DDX6: variants seen among roughly 807,000 people sequenced by gnomAD.
DDX6 encodes DEAD-box helicase 6.
Under a neutral mutation model 60.6 loss-of-function variants are expected in DDX6, and 7 were observed. That is an observed-to-expected ratio of 0.12 (90% confidence interval 0.07 to 0.22). The LOEUF is 0.22. DDX6 is among the 10% of genes least tolerant of loss of function. The probability of loss-of-function intolerance (pLI) is 1.00; values close to 1 mark genes in which losing one functional copy is unlikely to be tolerated. For synonymous variants in DDX6, 207 were observed against 201.0 expected (o/e 1.03, Z -0.25); for missense variants, 270 against 589.9 (o/e 0.46, Z 5.62).
At position 118,786,293 on chromosome 11, in the gene DDX6, G is replaced by C. The variant is rs1219542971; in HGVS notation, c.-42C>G. 2.1e-5 allele frequency: 32 copies of C among 1,540,046 alleles called. No homozygotes were observed. Among genetic ancestry groups the C allele is most frequent in the Non-Finnish European group, 2.6e-5 (30 of 1,133,074 alleles). On this transcript the variant is annotated 5_prime_UTR_variant, in exon 2 of 14. Coordinates refer to ENST00000534980, the MANE Select transcript of DDX6 (RefSeq NM_004397.6). Reference sequence around the variant, plus strand: ...AGGTCTTTCAAACTTCAAAACTTTTGAAAGTCAGTAGAGAAACTGTAATAA... The same window carrying C: ...AGGTCTTTCAAACTTCAAAACTTTTCAAAGTCAGTAGAGAAACTGTAATAA...
At position 118,750,197 on chromosome 11, in the gene DDX6, T is replaced by C. The variant is rs1210646934; in HGVS notation, c.*1908A>G. The C allele has an allele frequency of 2.6e-5, 4 of 152,562 alleles. No individual in the cohort carries two copies. The highest frequency in any genetic ancestry group is 1.3e-4 in the Admixed American group (2 of 15,260). 9.5% of individuals were successfully genotyped at this position (152,562 alleles called of 1,614,324 possible). A position where few individuals can be genotyped will look rare whatever the true frequency, so the allele number is the denominator to read the frequency against. On this transcript the variant is annotated 3_prime_UTR_variant, in exon 14 of 14. Coordinates refer to ENST00000534980, the MANE Select transcript of DDX6 (RefSeq NM_004397.6). ...TTTTTTAATTTTGTTTTTTGCTTTT[T>C]TCCCCCCCTTTCCAGATGCCTCCTG...
At chr11:118,771,198 T>TGAGAAGA (rs1861523615) in intron 4 of DDX6, among the ~76,000 whole-genome samples, 1 of 152,226 alleles carries the variant, frequency 6.6e-6, no homozygotes, top group African/African-American at 2.4e-5. Context: ...AGGTGGTCTC[T>TGAGAAGA]GATGGTCTCA....
At chr11:118,754,051 T>C (rs1309557377) in intron 13 of DDX6, among the ~76,000 whole-genome samples, 3 of 152,198 alleles carry the variant, frequency 2.0e-5, no homozygotes, top group Admixed American at 6.5e-5. Context: ...TGGGCCGTGA[T>C]TGTGCCACTG....
chr11:118,765,398 G>A (rs376873853), intron 5 of DDX6, 43 bp from the exon 6 acceptor site: 16 of 1,601,264 alleles, frequency 1.0e-5, no homozygotes, highest in Non-Finnish European at 1.4e-5. Context: ...ATGGGGTGAG[G>A]TGGGAGAACA....
chr11:118,765,774 A>C (rs1555161179), intron 5 of DDX6, among the ~76,000 whole-genome samples: 2 of 96,008 alleles, frequency 2.1e-5, no homozygotes. Flanking sequence ...ACTCAGTCTC[A>C]AAAGAAAGAA....
intron 4 of DDX6, among the ~76,000 whole-genome samples, chr11:118,776,168 G>A (rs11217025): frequency 0.031 from 4,734 of 152,088 alleles, 251 homozygotes; most frequent in African/African-American, 0.11. Flanking sequence ...AAACAATTAC[G>A]TCTCCTAAAT....
In DDX6 at chr11:118,751,803, C is replaced by G; in HGVS notation, c.*302G>C. 7.8e-6 allele frequency: 3 copies of G among 382,956 alleles called. No homozygotes were observed. The highest frequency in any genetic ancestry group is 5.8e-5 in the South Asian group (3 of 51,444). 23.7% of individuals were successfully genotyped at this position (382,956 alleles called of 1,614,324 possible). ...GATTCTTCTCTTTTTAGGGTTTCTC[C>G]CCTTCTCTTCTTTCTTTTCCTTCCT... On this transcript the variant is annotated 3_prime_UTR_variant, in exon 14 of 14. Transcript: ENST00000534980.
At chr11:118,788,129 G>C (rs1249616137) in intron 1 of DDX6, 2 of 151,962 alleles carry the variant, frequency 1.3e-5, no homozygotes, top group East Asian at 1.9e-4. Context: ...GACCAACACG[G>C]TGAAACTCCG....
At chr11:118,755,672 T>G (rs1483502688) in intron 11 of DDX6, among the ~76,000 whole-genome samples, 169 bp from the exon 12 acceptor site, 1 of 152,154 alleles carries the variant, frequency 6.6e-6, no homozygotes. Flanking sequence ...ATAAATAACT[T>G]TCTGCTCCCA....
Position 118,749,007 on chromosome 11 carries a change from TTTCCCTCTCTCTTAC to T in DDX6, c.*3083_*3097del, listed in dbSNP as rs1329116403. On this transcript the variant is annotated 3_prime_UTR_variant, in exon 14 of 14. Coordinates refer to ENST00000534980, the MANE Select transcript of DDX6 (RefSeq NM_004397.6). ...CAAACAATTTAGAGGTATATTTAGG[TTTCCCTCTCTCTTAC>T]TTCTGTGAAAGATCATTTTAGAATA... 6.6e-6 allele frequency: 1 copy of T among 152,094 alleles called. No individual in the cohort carries two copies. Among genetic ancestry groups the T allele is most frequent in the African/African-American group, 2.4e-5 (1 of 41,410 alleles). 9.4% of individuals were successfully genotyped at this position (152,094 alleles called of 1,614,324 possible).
intron 1 of DDX6, chr11:118,790,005 T>C (rs545249918): frequency 3.9e-5 from 6 of 152,310 alleles, no homozygotes; most frequent in African/African-American, 1.2e-4. Flanking sequence ...ATTACAGCAC[T>C]TCACAGATCG....
chr11:118,773,134 T>C (rs932785892), intron 4 of DDX6, among the ~76,000 whole-genome samples: 8 of 152,180 alleles, frequency 5.3e-5, no homozygotes, highest in Non-Finnish European at 1.2e-4. Flanking sequence ...TAAAGAATGG[T>C]TTATTTTCCA....
chr11:118,768,373 C>T (rs556754039), intron 4 of DDX6, 21 bp from the exon 5 acceptor site: 1 of 1,610,046 alleles, frequency 6.2e-7, no homozygotes, highest in African/African-American at 1.3e-5. Context: ...TAAGACAATA[C>T]AAAATTACTT....
At chr11:118,778,494 C>A (rs145666390) in intron 4 of DDX6, among the ~76,000 whole-genome samples, 137 of 152,288 alleles carry the variant, frequency 9.0e-4, no homozygotes, top group Non-Finnish European at 1.5e-3. Context: ...GAAAACAATA[C>A]GCTAAGAGAA....
chr11:118,760,877 C>G (rs1285058814), intron 7 of DDX6, among the ~76,000 whole-genome samples: 1 of 150,384 alleles, frequency 6.6e-6, no homozygotes, highest in Non-Finnish European at 1.5e-5. Context: ...CAGTGGCTCA[C>G]GCCTGTAATC....
Position 118,750,908 on chromosome 11 carries a change from G to C in DDX6, c.*1197C>G, listed in dbSNP as rs1438038383. ...ATTTCTGGGCCCCTTTACTAACACA[G>C]GGTACCATAGAAATCTGCTCTCTAC... On this transcript the variant is annotated 3_prime_UTR_variant, in exon 14 of 14. Transcript: ENST00000534980. 1.3e-5 allele frequency: 2 copies of C among 152,288 alleles called. No individual in the cohort carries two copies. The highest frequency in any genetic ancestry group is 4.8e-5 in the African/African-American group (2 of 41,332). 9.4% of individuals were successfully genotyped at this position (152,288 alleles called of 1,614,324 possible). A position where few individuals can be genotyped will look rare whatever the true frequency, so the allele number is the denominator to read the frequency against.
chr11:118,768,371 T>C lies in DDX6; in HGVS notation c.370-19A>G. 2 of 1,610,224 alleles carry C rather than the reference T, an allele frequency of 1.2e-6. No individual in the cohort carries two copies. Among genetic ancestry groups the C allele is most frequent in the Non-Finnish European group, 1.7e-6 (2 of 1,179,364 alleles). On this transcript the variant is annotated intron_variant, in intron 4 of 13. Coordinates refer to ENST00000534980, the MANE Select transcript of DDX6 (RefSeq NM_004397.6). ...TCTCCTCCTAAAAGAGATAAGACAATACAAAATTACTTCTGAATGTAGTAC... is the reference window on the plus strand; with the variant it reads ...TCTCCTCCTAAAAGAGATAAGACAACACAAAATTACTTCTGAATGTAGTAC...
Position 118,754,722 on chromosome 11 carries a change from T to A in DDX6, c.1442A>T (p.Glu481Val), listed in dbSNP as rs782662981. 1 of 1,607,028 alleles carries A rather than the reference T, an allele frequency of 6.2e-7. No individual in the cohort carries two copies. The highest frequency in any genetic ancestry group is 1.7e-5 in the Admixed American group (1 of 58,004). Residue 481 changes from glutamate (E) to valine (V), a missense_variant, in exon 13 of 14, where the codon GAG becomes GTG. Physicochemically the swap from Glu to Val is moderately radical, Grantham distance 121. Coordinates refer to ENST00000534980, the MANE Select transcript of DDX6 (RefSeq NM_004397.6). ...GGACGTACATGCTTGTTAAGGTTTC[T>A]CATCTTCTACAGGCTCGCTGTGGTA... ...AEYHSEPVED[E>V]KP
intron 4 of DDX6, among the ~76,000 whole-genome samples, chr11:118,775,101 G>A (rs1434476939): frequency 6.6e-6 from 1 of 152,066 alleles, no homozygotes; most frequent in Non-Finnish European, 1.5e-5. Context: ...GATCGCCTGA[G>A]GTCAGGAGTT....
Sources: gnomAD v4.1 joint callset for allele counts (sites outside exome capture counted in the v4.1 genomes callset) on GRCh38, gnomAD v4.1.1 for gene constraint, MANE v1.5 for transcripts, NCBI Gene and HGNC (gene_info 2026-07-23, HGNC 2026-07-21) for gene names.